The following PLEKHM3 variants were observed in gnomAD, a reference collection of about 807,000 sequenced individuals.
The protein encoded by PLEKHM3 is pleckstrin homology domain-containing family M member 3.
Under a neutral mutation model 81.8 loss-of-function variants are expected in PLEKHM3, and 45 were observed. The observed-to-expected ratio is 0.55, with a 90% CI of 0.43 to 0.71. The LOEUF (loss-of-function observed/expected upper bound fraction) is 0.71. Among genes scored for constraint, PLEKHM3 ranks in the 30% least tolerant of loss-of-function variants. The pLI is 0.00. For synonymous variants in PLEKHM3, 352 were observed against 356.4 expected (o/e 0.99, Z 0.14); for missense variants, 788 against 924.3 (o/e 0.85, Z 1.91).
chr2:207,903,336 T>C (rs943229161), intron 6 of PLEKHM3, among the ~76,000 whole-genome samples: 1 of 151,850 alleles, frequency 6.6e-6, no homozygotes, highest in Admixed American at 6.6e-5. Context: ...AAGAGGGGTG[T>C]GTGTGTGCGG....
At chr2:207,856,448 A>G (rs1245804158) in intron 7 of PLEKHM3, among the ~76,000 whole-genome samples, 1 of 152,132 alleles carries the variant, frequency 6.6e-6, no homozygotes, top group Non-Finnish European at 1.5e-5. Context: ...TGTCCTACAA[A>G]TCTCCTGTGC....
intron 6 of PLEKHM3, among the ~76,000 whole-genome samples, chr2:207,903,377 C>G (rs12993785): frequency 1.0e-3 from 156 of 151,870 alleles, no homozygotes; most frequent in African/African-American, 3.6e-3. Context: ...GAGGGAGTAG[C>G]GGGGAGGGCC....
chr2:208,011,235 T>G (rs1692681065), intron 1 of PLEKHM3, among the ~76,000 whole-genome samples: 1 of 152,178 alleles, frequency 6.6e-6, no homozygotes, highest in African/African-American at 2.4e-5. Context: ...ATCCCACTAC[T>G]AGGTATCTAC....
At chr2:207,869,483 G>A (rs2092521121) in intron 6 of PLEKHM3, among the ~76,000 whole-genome samples, 1 of 152,116 alleles carries the variant, frequency 6.6e-6, no homozygotes, top group Non-Finnish European at 1.5e-5. Context: ...TAAACTTAAT[G>A]TCTTGTACTA....
intron 2 of PLEKHM3, among the ~76,000 whole-genome samples, chr2:207,992,208 T>A (rs1413026076): frequency 3.3e-5 from 5 of 152,204 alleles, no homozygotes; most frequent in Non-Finnish European, 7.4e-5. Context: ...TTATGTGCAG[T>A]CTTGGAGTTA....
chr2:208,022,279 GT>G (rs1428473726), intron 1 of PLEKHM3, among the ~76,000 whole-genome samples: 1 of 152,126 alleles, frequency 6.6e-6, no homozygotes, highest in Non-Finnish European at 1.5e-5. Flanking sequence ...TTCTGTATTA[GT>G]TTTCTATGGT....
intron 5 of PLEKHM3, among the ~76,000 whole-genome samples, chr2:207,918,403 T>C (rs1038838184): frequency 6.6e-5 from 10 of 152,072 alleles, no homozygotes; most frequent in Admixed American, 5.2e-4. Flanking sequence ...GCGCCTGTAG[T>C]CCCAGTTACT....
At chr2:207,926,720 A>T (rs1035116612) in intron 5 of PLEKHM3, among the ~76,000 whole-genome samples, 1 of 152,198 alleles carries the variant, frequency 6.6e-6, no homozygotes, top group African/African-American at 2.4e-5. Context: ...GACTTTTTCT[A>T]AACTAATCAC....
At chr2:207,968,576 A>T (rs934672140) in intron 3 of PLEKHM3, among the ~76,000 whole-genome samples, 1 of 152,144 alleles carries the variant, frequency 6.6e-6, no homozygotes, top group Non-Finnish European at 1.5e-5. Context: ...GGGTGTTTCT[A>T]TAAGTATTTG....
intron 5 of PLEKHM3, among the ~76,000 whole-genome samples, chr2:207,911,276 A>C (rs547795806): frequency 6.6e-6 from 1 of 152,276 alleles, no homozygotes; most frequent in East Asian, 1.9e-4. Context: ...GGTAGTCTGC[A>C]ATTTTCTCAT....
chr2:207,848,923 CA>C (rs561020414), intron 7 of PLEKHM3, among the ~76,000 whole-genome samples: 31 of 152,270 alleles, frequency 2.0e-4, no homozygotes, highest in Admixed American at 4.6e-4. Flanking sequence ...GATTACCTGA[CA>C]AAATAGATTT....
intron 5 of PLEKHM3, among the ~76,000 whole-genome samples, chr2:207,911,278 T>C (rs899647012): frequency 3.3e-5 from 5 of 152,220 alleles, no homozygotes; most frequent in Admixed American, 2.6e-4. Context: ...TAGTCTGCAA[T>C]TTTCTCATTA....
chr2:207,891,475 C>T (rs975391524), intron 6 of PLEKHM3, among the ~76,000 whole-genome samples: 3 of 152,094 alleles, frequency 2.0e-5, no homozygotes, highest in African/African-American at 4.8e-5. Flanking sequence ...TAAGGGGTGC[C>T]GGCAAGATAC....
intron 7 of PLEKHM3, among the ~76,000 whole-genome samples, chr2:207,860,201 GTGTGTA>G (rs2092460124): frequency 2.2e-5 from 3 of 136,786 alleles, no homozygotes; most frequent in African/African-American, 8.0e-5. Flanking sequence ...GTGTGTGTGT[GTGTGTA>G]TCTGCATGTC....
intron 5 of PLEKHM3, among the ~76,000 whole-genome samples, chr2:207,911,820 C>G (rs1688817859): frequency 6.6e-6 from 1 of 152,120 alleles, no homozygotes; most frequent in Non-Finnish European, 1.5e-5. Flanking sequence ...CATAGGTCAG[C>G]TGGAGAAAGA....
In PLEKHM3 at chr2:207,827,638, T is replaced by C. The variant is rs1175458341; in HGVS notation, c.*681A>G. The C allele has an allele frequency of 6.6e-6, 1 of 152,180 alleles. No homozygotes were observed. The highest frequency in any genetic ancestry group is 2.4e-5 in the African/African-American group (1 of 41,432). 9.4% of individuals were successfully genotyped at this position (152,180 alleles called of 1,614,324 possible). On this transcript the variant is annotated 3_prime_UTR_variant, in exon 8 of 8. Transcript: ENST00000427836. The stretch of plus-strand genomic sequence containing the variant: ...CTTCTCTTCTCAGGAAAAAAACTTC[T>C]GAGATTAACTTCAAAACCAGAACCA...
chr2:208,006,165 C>T (rs1692487604), intron 1 of PLEKHM3, among the ~76,000 whole-genome samples: 1 of 152,184 alleles, frequency 6.6e-6, no homozygotes, highest in South Asian at 2.1e-4. Flanking sequence ...CAACCTTACT[C>T]TTTGGAATTT....
chr2:207,968,868 A>C (rs1209135710), intron 3 of PLEKHM3, among the ~76,000 whole-genome samples: 1 of 152,220 alleles, frequency 6.6e-6, no homozygotes, highest in East Asian at 1.9e-4. Flanking sequence ...CAATACGCTA[A>C]ACATTTCTCA....
chr2:208,013,270 C>A (rs1692761075), intron 1 of PLEKHM3, among the ~76,000 whole-genome samples: 2 of 152,008 alleles, frequency 1.3e-5, no homozygotes, highest in Non-Finnish European at 2.9e-5. Context: ...ATAATCCCAG[C>A]ACTTTGGGAG....
Sources: allele counts gnomAD v4.1 joint callset (sites outside exome capture counted in the v4.1 genomes callset), GRCh38; gene constraint gnomAD v4.1.1; transcripts MANE v1.5; gene names NCBI Gene and HGNC (gene_info 2026-07-23, HGNC 2026-07-21).